The following KICS2 variants were observed in gnomAD, a reference collection of about 807,000 sequenced individuals.
KICS2 encodes KICSTOR complex protein C12orf66.
A neutral mutation model predicts 31.4 loss-of-function variants in KICS2; 13 were observed. The observed-to-expected ratio is 0.41, with a 90% confidence interval of 0.27 to 0.66. The LOEUF (loss-of-function observed/expected upper bound fraction) is 0.66. Ranked by LOEUF, KICS2 falls within the 30% of genes least tolerant of loss-of-function variation. KICS2 has a pLI of 0.28. For synonymous variants in KICS2, 209 were observed against 214.8 expected (o/e 0.97, Z 0.24); for missense variants, 455 against 545.4 (o/e 0.83, Z 1.65).
chr12:64,220,296 A>G (rs1415051217), intron 1 of KICS2, among the ~76,000 whole-genome samples: 1 of 152,218 alleles, frequency 6.6e-6, no homozygotes, highest in African/African-American at 2.4e-5. Flanking sequence ...ACAGAACCCA[A>G]GTCAGAGACA....
Position 64,193,022 on chromosome 12 carries a change from G to C in KICS2, c.*820C>G. 1 of 985,438 alleles carries C rather than the reference G, an allele frequency of 1.0e-6. No individual in the cohort carries two copies. Among genetic ancestry groups the C allele is most frequent in the Non-Finnish European group, 1.2e-6 (1 of 829,934 alleles). 61.0% of individuals were successfully genotyped at this position (985,438 alleles called of 1,614,324 possible). A position where few individuals can be genotyped will look rare whatever the true frequency, so the allele number is the denominator to read the frequency against. ...TAAGCCTAAAAATAACCAAGGAGTA[G>C]AGCCAAACATGTACATTTCAGCAGA... On this transcript the variant is annotated 3_prime_UTR_variant, in exon 3 of 3. Coordinates refer to ENST00000398055, the MANE Select transcript of KICS2 (RefSeq NM_152440.5).
At chr12:64,207,006 A>C (rs2037544554) in intron 2 of KICS2, among the ~76,000 whole-genome samples, 1 of 152,152 alleles carries the variant, frequency 6.6e-6, no homozygotes, top group African/African-American at 2.4e-5. Flanking sequence ...TACATAAAAA[A>C]AGTTAAAATG....
At chr12:64,219,165 T>C (rs1182279959) in intron 1 of KICS2, among the ~76,000 whole-genome samples, 2 of 152,216 alleles carry the variant, frequency 1.3e-5, no homozygotes, top group Non-Finnish European at 2.9e-5. Context: ...TAAAACATCT[T>C]GGGCATTTTA....
intron 2 of KICS2, among the ~76,000 whole-genome samples, chr12:64,212,651 T>C (rs910743484): frequency 6.6e-6 from 1 of 152,236 alleles, no homozygotes; most frequent in African/African-American, 2.4e-5. Context: ...TTCATGTCAA[T>C]GGTTTTACGT....
chr12:64,190,562 C>T (rs2037370766), downstream of KICS2, among the ~76,000 whole-genome samples: 1 of 152,038 alleles, frequency 6.6e-6, no homozygotes, highest in South Asian at 2.1e-4. Flanking sequence ...CCCAGGATTT[C>T]GAGACCAGCC....
intron 1 of KICS2, among the ~76,000 whole-genome samples, chr12:64,217,364 A>T (rs944674843): frequency 2.0e-5 from 3 of 152,326 alleles, no homozygotes; most frequent in Admixed American, 1.3e-4. Flanking sequence ...TATACTGTCT[A>T]AACCAGGGGT....
Position 64,194,541 on chromosome 12 carries a change from C to T in KICS2, c.639G>A (p.Leu213=), listed in dbSNP as rs1013091403. The T allele has an allele frequency of 1.2e-6, 2 of 1,614,112 alleles. No individual in the cohort carries two copies. Among genetic ancestry groups the T allele is most frequent in the Non-Finnish European group, 8.5e-7 (1 of 1,180,032 alleles). ...TGGTGTGCGCACTGTGTAAATTAAC[C>T]AGAGATGGGAGGAACTTCCACTCTG... ...QVSEWKFLPS[L]VNLHSAHTKL... Residue 213 remains leucine (L), a synonymous_variant, in exon 3 of 3, where the codon CTG becomes CTA. Coordinates refer to ENST00000398055, the MANE Select transcript of KICS2 (RefSeq NM_152440.5).
At chr12:64,213,996 T>G (rs924974428) in intron 2 of KICS2, among the ~76,000 whole-genome samples, 16 of 152,188 alleles carry the variant, frequency 1.1e-4, no homozygotes, top group African/African-American at 3.9e-4. Flanking sequence ...TTCTGCCTAT[T>G]AGGCTACCAT....
chr12:64,194,692 A>T (rs773754996), intron 2 of KICS2, 34 bp from the exon 3 acceptor site: 1 of 1,554,134 alleles, frequency 6.4e-7, no homozygotes, highest in Non-Finnish European at 8.7e-7. Flanking sequence ...ATAAGTGGAA[A>T]TGTTACTTCA....
At chr12:64,195,748 C>T (rs954638564) in intron 2 of KICS2, among the ~76,000 whole-genome samples, 6 of 152,346 alleles carry the variant, frequency 3.9e-5, no homozygotes, top group Non-Finnish European at 7.4e-5. Context: ...GTGCACGCAC[C>T]GTGCGCGAGC....
intron 1 of KICS2, among the ~76,000 whole-genome samples, chr12:64,221,109 C>CG (rs3215078): frequency 0.045 from 4,326 of 95,140 alleles, 75 homozygotes; most frequent in African/African-American, 0.067. Flanking sequence ...GGTTAGGGAA[C>CG]GGGGGGGGGT....
Position 64,192,957 on chromosome 12 carries a change from T to A in KICS2, c.*885A>T, listed in dbSNP as rs754572653. 25 of 985,322 alleles carry A rather than the reference T, an allele frequency of 2.5e-5. No individual in the cohort carries two copies. The highest frequency in any genetic ancestry group is 3.0e-5 in the Non-Finnish European group (25 of 829,934). The allele number at this position is 985,322 out of a possible 1,614,324, so 61.0% of individuals were successfully genotyped here. A position where few individuals can be genotyped will look rare whatever the true frequency, so the allele number is the denominator to read the frequency against. ...TTTTATAAAAGTAGGCTATGTTGCA[T>A]GAGTATCTAAAAGTGGCTGAAAAAC... On this transcript the variant is annotated 3_prime_UTR_variant, in exon 3 of 3. Transcript: ENST00000398055.
At chr12:64,216,445 T>C (rs2037629633) in intron 1 of KICS2, among the ~76,000 whole-genome samples, 1 of 152,222 alleles carries the variant, frequency 6.6e-6, no homozygotes, top group Non-Finnish European at 1.5e-5. Flanking sequence ...TGTGTCATGA[T>C]TTTTTGTTTC....
chr12:64,199,621 G>A (rs1372739181), intron 2 of KICS2, among the ~76,000 whole-genome samples: 3 of 149,800 alleles, frequency 2.0e-5, no homozygotes, highest in Non-Finnish European at 4.4e-5. Context: ...GGCAAGAGAA[G>A]GAAATAAAGG....
rs1041610542 is a variant in KICS2, at chr12:64,210,862, C to T, written c.521+4816G>A. ...GTCCCAGGAGACACACACACACACACGTGTATGCACACACACATCAGTAAG... is the reference window on the plus strand; with the variant it reads ...GTCCCAGGAGACACACACACACACATGTGTATGCACACACACATCAGTAAG... On this transcript the variant is annotated intron_variant, in intron 2 of 2. Transcript: ENST00000398055. 2.6e-5 allele frequency among the ~76,000 whole-genome samples: 4 copies of T among 152,108 alleles called. No homozygotes were observed. In the South Asian group the frequency reaches 6.2e-4, roughly 24 times the overall value.
At chr12:64,196,292 C>G (rs1234750731) in intron 2 of KICS2, among the ~76,000 whole-genome samples, 3 of 44,432 alleles carry the variant, frequency 6.8e-5, no homozygotes, top group East Asian at 6.8e-4. Context: ...GTTCCTGACC[C>G]CTGACCCCCG....
chr12:64,187,756 A>T, downstream of KICS2: 1 of 907,540 alleles, frequency 1.1e-6, no homozygotes, highest in Non-Finnish European at 1.6e-6. Context: ...GGAGAAAAAA[A>T]ATCTAGTTTT....
chr12:64,193,851 G>A lies in KICS2; in HGVS notation c.1329C>T (p.Ala443=), dbSNP rs763881336. The A allele has an allele frequency of 6.2e-7, 1 of 1,612,362 alleles. No individual in the cohort carries two copies. Among genetic ancestry groups the A allele is most frequent in the South Asian group, 1.1e-5 (1 of 90,854 alleles). ...CCACGCAAATCACCTGCTAACCTTT[G>A]GCTCCAGGTTTCAGACTTGCAAACA... is the stretch of plus-strand genomic sequence containing the variant. ...PKVFASLKPG[A]KG Residue 443 remains alanine, a synonymous_variant, in exon 3 of 3, where the codon GCC becomes GCT. Transcript: ENST00000398055.
intron 1 of KICS2, among the ~76,000 whole-genome samples, chr12:64,218,057 C>G (rs34222934): frequency 6.6e-6 from 1 of 152,224 alleles, no homozygotes; most frequent in Non-Finnish European, 1.5e-5. Flanking sequence ...GATTGAGTAG[C>G]TGGCACATCA....
Sources: gnomAD v4.1 joint callset for allele counts (sites outside exome capture counted in the v4.1 genomes callset) on GRCh38, gnomAD v4.1.1 for gene constraint, MANE v1.5 for transcripts, NCBI Gene and HGNC (gene_info 2026-07-23, HGNC 2026-07-21) for gene names.